Variants in MED13L observed in about 807,000 individuals in gnomAD.
The protein encoded by MED13L is mediator complex subunit 13L.
Under a neutral mutation model 220.9 loss-of-function variants are expected in MED13L, and 7 were observed. That is an observed-to-expected ratio of 0.03 (90% CI 0.02 to 0.06). MED13L has a LOEUF of 0.06. Ranked by LOEUF, MED13L falls within the 10% of genes least tolerant of loss-of-function variation. MED13L has a pLI of 1.00. For synonymous variants in MED13L, 1,011 were observed against 1,015.2 expected (o/e 1.00, Z 0.08); for missense variants, 1,965 against 2,760.5 (o/e 0.71, Z 6.46).
intron 2 of MED13L, among the ~76,000 whole-genome samples, chr12:116,190,120 G>A (rs924383379): frequency 1.3e-5 from 2 of 152,106 alleles, no homozygotes; most frequent in Non-Finnish European, 2.9e-5. Context: ...GGACATTCTT[G>A]TCCTGTTCCT....
intron 2 of MED13L, among the ~76,000 whole-genome samples, chr12:116,167,030 C>A (rs1437822262): frequency 2.0e-5 from 3 of 151,916 alleles, no homozygotes; most frequent in Non-Finnish European, 4.4e-5. Flanking sequence ...ATACATGACC[C>A]CATAAATTTA....
At chr12:115,997,280 A>G in intron 14 of MED13L, 50 bp from the exon 15 acceptor site, 2 of 1,531,330 alleles carry the variant, frequency 1.3e-6, no homozygotes, top group Non-Finnish European at 1.8e-6. Flanking sequence ...GGCTTCTAAA[A>G]AGTCCTAGCT....
chr12:116,035,204 G>A (rs939305161), intron 4 of MED13L, among the ~76,000 whole-genome samples: 16 of 152,116 alleles, frequency 1.1e-4, no homozygotes, highest in African/African-American at 3.1e-4. Context: ...ATATACAAGC[G>A]TGAAACTATG....
intron 30 of MED13L, among the ~76,000 whole-genome samples, chr12:115,962,343 G>A (rs1034130832): frequency 1.3e-5 from 2 of 152,140 alleles, no homozygotes; most frequent in South Asian, 2.1e-4. Flanking sequence ...TTGCATGTGC[G>A]GTTCACAATA....
At chr12:115,969,579 C>CT (rs35927318) in intron 27 of MED13L, among the ~76,000 whole-genome samples, 14,718 of 143,392 alleles carry the variant, frequency 0.1, 814 homozygotes, top group East Asian at 0.23. Context: ...TGTTTTCTCT[C>CT]TTTTTTTTTT....
rs200545513 is a variant in MED13L, at chr12:116,008,542, G to C, written c.1871C>G (p.Ser624Trp). ...CCACTTTTCTGATGACTCCGGGTTC[G>C]AGGGCCTAATCCCACAATATAAGGC... ...ETALYCGIRP[S>W]NPESSEKWWH... Residue 624 changes from serine to tryptophan, a missense_variant, in exon 10 of 31, where the codon TCG becomes TGG. Ser to Trp is a radical substitution (Grantham distance 177, BLOSUM62 -3). Around this residue, in one of 10 missense-constraint regions of MED13L, gnomAD observed 818 missense variants for 1,041.2 expected, o/e 0.79. Transcript: ENST00000281928. 1.9e-6 allele frequency: 3 copies of C among 1,613,942 alleles called. No individual in the cohort carries two copies. Among genetic ancestry groups the C allele is most frequent in the East Asian group, 2.2e-5 (1 of 44,822 alleles).
At chr12:116,174,474 T>A (rs1879900827) in intron 2 of MED13L, 2 of 150,638 alleles carry the variant, frequency 1.3e-5, no homozygotes, top group Admixed American at 6.6e-5. Flanking sequence ...ATTTACAAAC[T>A]CGTTTTTGTT....
intron 2 of MED13L, among the ~76,000 whole-genome samples, chr12:116,173,288 T>C (rs1323013101): frequency 1.3e-5 from 2 of 152,184 alleles, no homozygotes; most frequent in East Asian, 1.9e-4. Context: ...TGGCTAAATA[T>C]AACTTGACCA....
chr12:116,269,257 C>G (rs1003820810), intron 1 of MED13L, among the ~76,000 whole-genome samples: 4 of 151,880 alleles, frequency 2.6e-5, no homozygotes, highest in African/African-American at 9.7e-5. Context: ...CGGGGTTTCA[C>G]CAAGTTGGCC....
At chr12:116,022,354 T>C (rs886893140) in intron 5 of MED13L, 102 bp downstream of exon 5, 20 of 1,357,906 alleles carry the variant, frequency 1.5e-5, no homozygotes, top group Admixed American at 3.7e-5. Flanking sequence ...AGCTTTAAAA[T>C]GTCCATTTAA....
chr12:116,222,457 G>T (rs1343094429), intron 2 of MED13L, among the ~76,000 whole-genome samples: 2 of 152,142 alleles, frequency 1.3e-5, no homozygotes, highest in Non-Finnish European at 2.9e-5. Context: ...TGAATAGAAG[G>T]GAGTAATCCA....
intron 4 of MED13L, among the ~76,000 whole-genome samples, chr12:116,055,094 A>G (rs2137604429): frequency 6.6e-6 from 1 of 152,338 alleles, no homozygotes; most frequent in Admixed American, 6.5e-5. Context: ...GCTATTAACT[A>G]AATAAAGTTT....
chr12:116,027,552 C>T (rs886105902), intron 4 of MED13L, among the ~76,000 whole-genome samples: 3 of 152,174 alleles, frequency 2.0e-5, no homozygotes, highest in Non-Finnish European at 4.4e-5. Flanking sequence ...GATCATGTGT[C>T]ACACAGAAAG....
At chr12:116,195,247 C>A (rs1881546124) in intron 2 of MED13L, among the ~76,000 whole-genome samples, 1 of 151,930 alleles carries the variant, frequency 6.6e-6, no homozygotes, top group South Asian at 2.1e-4. Context: ...CCCTCTGCTG[C>A]CAATCTAAGA....
At chr12:116,041,809 T>C (rs1486040426) in intron 4 of MED13L, among the ~76,000 whole-genome samples, 1 of 152,194 alleles carries the variant, frequency 6.6e-6, no homozygotes, top group Non-Finnish European at 1.5e-5. Flanking sequence ...CACTCCGACC[T>C]GGGCGACAGA....
chr12:115,984,882 A>G (rs1173826816), intron 19 of MED13L, among the ~76,000 whole-genome samples: 1 of 151,776 alleles, frequency 6.6e-6, no homozygotes, highest in Non-Finnish European at 1.5e-5. Context: ...TTTTTTTTAA[A>G]GTAAATAGGA....
chr12:116,000,621 T>C (rs1484905737), intron 14 of MED13L, among the ~76,000 whole-genome samples: 1 of 152,234 alleles, frequency 6.6e-6, no homozygotes, highest in Non-Finnish European at 1.5e-5. Context: ...TCTTTCCTTT[T>C]GTCTATTCAA....
intron 1 of MED13L, among the ~76,000 whole-genome samples, chr12:116,259,789 G>A (rs1872364745): frequency 6.6e-6 from 1 of 152,152 alleles, no homozygotes; most frequent in African/African-American, 2.4e-5. Flanking sequence ...GAAGGTGAGG[G>A]GAGGGATCCT....
intron 4 of MED13L, among the ~76,000 whole-genome samples, chr12:116,086,662 G>A (rs1312742647): frequency 6.6e-6 from 1 of 152,118 alleles, no homozygotes; most frequent in African/African-American, 2.4e-5. Flanking sequence ...AATGAAGCAT[G>A]CAAGCCACAC....
Sources: gnomAD v4.1 joint callset for allele counts (sites outside exome capture counted in the v4.1 genomes callset) on GRCh38, gnomAD v4.1.1 for gene constraint, gnomAD v4.1.1 regional missense constraint, MANE v1.5 for transcripts, NCBI Gene and HGNC (gene_info 2026-07-23, HGNC 2026-07-21) for gene names.